RASGRF2: variants seen among roughly 807,000 people sequenced by gnomAD.
RASGRF2 encodes ras-specific guanine nucleotide-releasing factor 2.
In RASGRF2, 76 loss-of-function variants were observed where a neutral mutation model predicts 151.0. That is an observed-to-expected ratio of 0.50 (90% CI 0.42 to 0.61). The LOEUF is 0.61. Ranked by LOEUF, RASGRF2 falls within the 20% of genes least tolerant of loss-of-function variation. The pLI is 0.00. For missense variants in RASGRF2, 1,148 were observed against 1,564.6 expected (o/e 0.73, Z 4.49); for synonymous variants, 504 against 566.5 (o/e 0.89, Z 1.57).
chr5:81,085,100 ATGT>A (rs1752192458), intron 7 of RASGRF2, among the ~76,000 whole-genome samples: 1 of 152,204 alleles, frequency 6.6e-6, no homozygotes, highest in South Asian at 2.1e-4. Flanking sequence ...CGAGTGGGTA[ATGT>A]TGTGGTAGAT....
intron 1 of RASGRF2, among the ~76,000 whole-genome samples, chr5:80,962,795 T>C (rs1425771311): frequency 6.6e-6 from 1 of 152,248 alleles, no homozygotes; most frequent in Non-Finnish European, 1.5e-5. Flanking sequence ...AGTTTGACTT[T>C]CATGCCACTT....
chr5:81,220,618 C>T (rs543710396), intron 26 of RASGRF2, among the ~76,000 whole-genome samples: 8 of 152,218 alleles, frequency 5.3e-5, no homozygotes, highest in South Asian at 2.1e-4. Flanking sequence ...CTGAGTAGCC[C>T]GCCACCACGC....
intron 2 of RASGRF2, among the ~76,000 whole-genome samples, chr5:81,058,000 ATAATTAAT>A (rs533833649): frequency 1.3e-4 from 20 of 152,082 alleles, no homozygotes; most frequent in Middle Eastern, 6.8e-3. Flanking sequence ...TGCCTCAAAA[ATAATTAAT>A]TAATTAATTA....
chr5:80,969,594 A>G (rs367972484), intron 1 of RASGRF2, among the ~76,000 whole-genome samples: 4,573 of 148,696 alleles, frequency 0.031, 196 homozygotes, highest in African/African-American at 0.095. Context: ...GACTACAGGC[A>G]CCCGCCACCA....
intron 17 of RASGRF2, among the ~76,000 whole-genome samples, chr5:81,156,462 G>A (rs1754262676): frequency 1.3e-5 from 2 of 152,092 alleles, no homozygotes; most frequent in African/African-American, 2.4e-5. Context: ...TAAAATATTA[G>A]CAAACCAAAT....
intron 1 of RASGRF2, among the ~76,000 whole-genome samples, chr5:81,027,111 T>C (rs1246885245): frequency 6.6e-6 from 1 of 152,206 alleles, no homozygotes; most frequent in Non-Finnish European, 1.5e-5. Context: ...ATTAGCCAGC[T>C]TGTGAAACCA....
At chr5:81,004,572 T>C (rs1216720756) in intron 1 of RASGRF2, among the ~76,000 whole-genome samples, 1 of 152,248 alleles carries the variant, frequency 6.6e-6, no homozygotes, top group Admixed American at 6.5e-5. Flanking sequence ...CATAATTACT[T>C]GGTCAAACCA....
intron 17 of RASGRF2, among the ~76,000 whole-genome samples, chr5:81,170,478 T>A (rs1454457909): frequency 1.3e-5 from 2 of 152,212 alleles, no homozygotes; most frequent in Non-Finnish European, 2.9e-5. Context: ...CCTTTTCCTG[T>A]TCCCATGATT....
chr5:81,224,410 ACTGGAACT>A (rs1319449270), intron 26 of RASGRF2, among the ~76,000 whole-genome samples: 1 of 152,244 alleles, frequency 6.6e-6, no homozygotes, highest in African/African-American at 2.4e-5. Flanking sequence ...ATATTGAATT[ACTGGAACT>A]CTTACCATTG....
At position 81,113,770 on chromosome 5, in the gene RASGRF2, G is replaced by A. The variant is rs185795015; in HGVS notation, c.2320G>A (p.Ala774Thr). ...TCCCACCACCACCACCCAGAGTCCC[G>A]CTGCGTCTCCACCACCACACACTGG... is the stretch of plus-strand genomic sequence containing the variant. ...SSPTTTTQSP[A>T]ASPPPHTGQI... Residue 774 changes from alanine (A) to threonine (T), a missense_variant, in exon 15 of 27, where the codon GCT becomes ACT. Transcript: ENST00000265080. The A allele has an allele frequency of 7.4e-6, 12 of 1,613,986 alleles. No individual in the cohort carries two copies. Among genetic ancestry groups the A allele is most frequent in the East Asian group, 4.5e-5 (2 of 44,864 alleles).
At chr5:81,182,622 G>C (rs1754943782) in intron 18 of RASGRF2, among the ~76,000 whole-genome samples, 1 of 152,164 alleles carries the variant, frequency 6.6e-6, no homozygotes, top group African/African-American at 2.4e-5. Flanking sequence ...GCAGGCTCTT[G>C]GTGATGGATT....
chr5:81,153,221 T>G (rs1424990142), intron 17 of RASGRF2, among the ~76,000 whole-genome samples: 2 of 152,220 alleles, frequency 1.3e-5, no homozygotes, highest in African/African-American at 2.4e-5. Context: ...GTGATCCGTG[T>G]GTATGTTACC....
At chr5:81,056,159 C>A (rs1751203579) in intron 2 of RASGRF2, among the ~76,000 whole-genome samples, 1 of 151,902 alleles carries the variant, frequency 6.6e-6, no homozygotes. Context: ...TTATTTTTTG[C>A]CTTCTGCTGG....
At chr5:81,218,506 G>C (rs62364993) in intron 25 of RASGRF2, among the ~76,000 whole-genome samples, 14,386 of 152,234 alleles carry the variant, frequency 0.094, 730 homozygotes, top group Middle Eastern at 0.21. Flanking sequence ...TTAGTTGGCT[G>C]TAAGTATTTG....
intron 1 of RASGRF2, among the ~76,000 whole-genome samples, chr5:80,995,469 T>C (rs1432826433): frequency 6.6e-6 from 1 of 151,472 alleles, no homozygotes; most frequent in East Asian, 1.9e-4. Flanking sequence ...AGAACCAGCT[T>C]TTATACGTGG....
chr5:81,179,171 G>T (rs1438438514), intron 17 of RASGRF2, among the ~76,000 whole-genome samples: 2 of 152,176 alleles, frequency 1.3e-5, no homozygotes, highest in Admixed American at 6.5e-5. Flanking sequence ...TATTAAAATG[G>T]TTTCTTGATA....
intron 4 of RASGRF2, among the ~76,000 whole-genome samples, chr5:81,072,463 T>G (rs552398976): frequency 6.6e-6 from 1 of 152,226 alleles, no homozygotes; most frequent in South Asian, 2.1e-4. Context: ...TAGATAATAA[T>G]GATACTTTGG....
At chr5:81,048,480 G>C (rs562936091) in intron 2 of RASGRF2, among the ~76,000 whole-genome samples, 1 of 152,082 alleles carries the variant, frequency 6.6e-6, no homozygotes, top group African/African-American at 2.4e-5. Context: ...GGGAAAAGTC[G>C]GGCTTGAATT....
chr5:81,048,298 G>T (rs1303754319), intron 2 of RASGRF2, among the ~76,000 whole-genome samples: 2 of 152,048 alleles, frequency 1.3e-5, no homozygotes, highest in African/African-American at 4.8e-5. Context: ...ATTATTATTT[G>T]CTAAGAAATT....
Sources: allele counts gnomAD v4.1 joint callset (sites outside exome capture counted in the v4.1 genomes callset), GRCh38; gene constraint gnomAD v4.1.1; transcripts MANE v1.5; gene names NCBI Gene and HGNC (gene_info 2026-07-23, HGNC 2026-07-21).